Variants in BCL2 observed in about 807,000 individuals in gnomAD.
The protein encoded by BCL2 is apoptosis regulator Bcl-2.
BCL2 carries 1 observed loss-of-function variant against 14.2 expected under a neutral mutation model. The observed-to-expected ratio is 0.07, with a 90% CI of 0.02 to 0.33. BCL2 has a LOEUF of 0.33. Ranked by LOEUF, BCL2 falls within the 10% of genes least tolerant of loss-of-function variation. BCL2 has a pLI of 0.99. For synonymous variants in BCL2, 151 were observed against 137.2 expected (o/e 1.10, Z -0.70); for missense variants, 247 against 305.9 (o/e 0.81, Z 1.44).
intron 2 of BCL2, among the ~76,000 whole-genome samples, chr18:63,187,680 CAG>C (rs1464410944): frequency 6.6e-6 from 1 of 152,164 alleles, no homozygotes; most frequent in Non-Finnish European, 1.5e-5. Flanking sequence ...GAAATGGAGA[CAG>C]AGGCTTGGAA....
chr18:63,231,332 A>G (rs534666147), intron 2 of BCL2, among the ~76,000 whole-genome samples: 70 of 152,044 alleles, frequency 4.6e-4, no homozygotes, highest in Non-Finnish European at 9.1e-4. Flanking sequence ...CACTCTATTC[A>G]TTATTGTATG....
At chr18:63,215,204 G>A (rs1163791904) in intron 2 of BCL2, among the ~76,000 whole-genome samples, 1 of 152,178 alleles carries the variant, frequency 6.6e-6, no homozygotes, top group Non-Finnish European at 1.5e-5. Flanking sequence ...TCGTCCCTTG[G>A]CAAGATACAG....
At chr18:63,255,827 T>A (rs193152746) in intron 2 of BCL2, among the ~76,000 whole-genome samples, 1 of 133,818 alleles carries the variant, frequency 7.5e-6, no homozygotes, top group East Asian at 2.1e-4. Context: ...GCTGCAGCCC[T>A]CCCCCCCCGC....
chr18:63,140,266 C>A lies in BCL2; in HGVS notation c.586-11507G>T, dbSNP rs138121121. 1.7e-3 allele frequency among the ~76,000 whole-genome samples: 259 copies of A among 152,342 alleles called. 1 individual carries two copies. The highest frequency in any genetic ancestry group is 5.8e-3 in the African/African-American group (243 of 41,576). Reference sequence around the variant, plus strand: ...GATTCCTCAAAGAGTTAAACAGAGTCACCACATGACCCAGCAATTCAACTC... The same window carrying A: ...GATTCCTCAAAGAGTTAAACAGAGTAACCACATGACCCAGCAATTCAACTC... On this transcript the variant is annotated intron_variant, in intron 2 of 2. Coordinates refer to ENST00000333681, the MANE Select transcript of BCL2 (RefSeq NM_000633.3).
chr18:63,212,866 ACT>A (rs1467145567), intron 2 of BCL2, among the ~76,000 whole-genome samples: 1 of 112,170 alleles, frequency 8.9e-6, no homozygotes, highest in African/African-American at 3.4e-5. Context: ...ACGGAGCGAG[ACT>A]CTGTCTCAAA....
rs999714773 is a variant in BCL2, at chr18:63,318,142, C to G, written c.525G>C (p.Leu175=). The G allele has an allele frequency of 3.1e-6, 5 of 1,614,030 alleles. No individual in the cohort carries two copies. The African/African-American group carries it at 6.7e-5, about 22-fold the overall frequency. The part of the protein sequence containing the change: ...EMSPLVDNIA[L]WMTEYLNRHL... ...GCCGGTTCAGGTACTCAGTCATCCACAGGGCGATGTTGTCCACCAGGGGCG... is the reference window on the plus strand; with the variant it reads ...GCCGGTTCAGGTACTCAGTCATCCAGAGGGCGATGTTGTCCACCAGGGGCG... The change falls in exon 2 of 3, where the codon CTG becomes CTC. Residue 175 remains leucine (L), a synonymous_variant. Transcript: ENST00000333681. The surrounding 1 kb of genome is among the most constrained non-coding windows in gnomAD (Gnocchi z 7.4).
intron 2 of BCL2, among the ~76,000 whole-genome samples, chr18:63,172,868 T>C (rs974716620): frequency 1.3e-5 from 2 of 152,222 alleles, no homozygotes; most frequent in African/African-American, 2.4e-5. Flanking sequence ...AATGAGATCA[T>C]GAAGGCAGAA....
At chr18:63,315,685 T>C (rs1046599867) in intron 2 of BCL2, 1 of 152,206 alleles carries the variant, frequency 6.6e-6, no homozygotes, top group African/African-American at 2.4e-5. Context: ...ATACAACATA[T>C]TATTAGAGAT....
chr18:63,217,608 A>T (rs1005643015), intron 2 of BCL2, among the ~76,000 whole-genome samples: 2 of 152,212 alleles, frequency 1.3e-5, no homozygotes, highest in African/African-American at 4.8e-5. Context: ...CCGCCAAATG[A>T]CAGGCCTCCT....
intron 2 of BCL2, among the ~76,000 whole-genome samples, chr18:63,131,972 C>A (rs868275697): frequency 1.3e-5 from 2 of 152,326 alleles, no homozygotes; most frequent in Middle Eastern, 3.4e-3. Context: ...CCCTCACCCC[C>A]ACACAAATAA....
intron 2 of BCL2, among the ~76,000 whole-genome samples, chr18:63,205,234 G>A (rs551732247): frequency 7.9e-5 from 12 of 152,254 alleles, no homozygotes; most frequent in African/African-American, 2.2e-4. Context: ...CCTTTGAACC[G>A]GAATAATCGT....
In BCL2 at chr18:63,258,753, G is replaced by A. The variant is rs1164448077; in HGVS notation, c.585+59329C>T. Among the ~76,000 whole-genome samples the A allele has an allele frequency of 5.9e-5, 9 of 152,304 alleles. No homozygotes were observed. In the South Asian group the frequency reaches 8.3e-4, roughly 14 times the overall value. ...CAAAGTAGCCTAAATGTCTTGGCAC[G>A]TTTTGTTCACATGCCTACCATCTCC... On this transcript the variant is annotated intron_variant, in intron 2 of 2. Transcript: ENST00000333681.
chr18:63,174,684 G>A (rs1209473291), intron 2 of BCL2, among the ~76,000 whole-genome samples: 1 of 152,042 alleles, frequency 6.6e-6, no homozygotes, highest in Non-Finnish European at 1.5e-5. Flanking sequence ...GCCGGGCGTA[G>A]TGGCAGGCAC....
chr18:63,202,446 G>T (rs1909721252), intron 2 of BCL2, among the ~76,000 whole-genome samples: 1 of 152,202 alleles, frequency 6.6e-6, no homozygotes, highest in Admixed American at 6.5e-5. Context: ...TAACCTGTCT[G>T]TACCTCTGTT....
chr18:63,177,013 C>T (rs1197931767), intron 2 of BCL2, among the ~76,000 whole-genome samples: 1 of 151,480 alleles, frequency 6.6e-6, no homozygotes. Context: ...ACTTCCTGGG[C>T]TCAGGTGATT....
chr18:63,128,861 G>A, intron 2 of BCL2, 102 bp from the exon 3 acceptor site: 1 of 641,410 alleles, frequency 1.6e-6, no homozygotes, highest in Non-Finnish European at 2.9e-6. Flanking sequence ...GGCAGCCTGG[G>A]CACCTTCAGA....
intron 2 of BCL2, among the ~76,000 whole-genome samples, chr18:63,158,862 A>G (rs1176459206): frequency 1.3e-5 from 2 of 152,178 alleles, no homozygotes; most frequent in Admixed American, 6.5e-5. Flanking sequence ...TCATGTGAGT[A>G]TAGATTTATG....
chr18:63,239,826 C>G (rs1386861283), intron 2 of BCL2, among the ~76,000 whole-genome samples: 1 of 152,052 alleles, frequency 6.6e-6, no homozygotes, highest in African/African-American at 2.4e-5. Flanking sequence ...TGGAATCTTC[C>G]CAGGGTTGGG....
chr18:63,159,106 C>T (rs1486089705), intron 2 of BCL2, among the ~76,000 whole-genome samples: 1 of 152,146 alleles, frequency 6.6e-6, no homozygotes, highest in Admixed American at 6.5e-5. Flanking sequence ...GGGGAATTTC[C>T]AGAGGTCTCT....
Sources: gnomAD v4.1 joint callset for allele counts (sites outside exome capture counted in the v4.1 genomes callset) on GRCh38, gnomAD v4.1.1 for gene constraint, Gnocchi (gnomAD v3.1) non-coding constraint, MANE v1.5 for transcripts, NCBI Gene and HGNC (gene_info 2026-07-23, HGNC 2026-07-21) for gene names.